The following CATSPERD variants were observed in gnomAD, a reference collection of about 807,000 sequenced individuals.
CATSPERD encodes cation channel sperm-associated auxiliary subunit delta.
A neutral mutation model predicts 98.1 loss-of-function variants in CATSPERD; 86 were observed. That is an observed-to-expected ratio of 0.88 (90% confidence interval 0.74 to 1.05). The LOEUF (loss-of-function observed/expected upper bound fraction) is 1.05. CATSPERD is among the 50% of genes least tolerant of loss of function. The pLI, the probability that CATSPERD is intolerant of heterozygous loss-of-function variation, is 0.00. For missense variants in CATSPERD, 995 were observed against 1,005.7 expected, an observed-to-expected ratio of 0.99 and a Z score of 0.14; for synonymous variants, 394 against 390.2, an observed-to-expected ratio of 1.01 and a Z score of -0.12.
chr19:5,756,936 C>T (rs1366143311), intron 13 of CATSPERD, among the ~76,000 whole-genome samples: 1 of 150,826 alleles, frequency 6.6e-6, no homozygotes, highest in Non-Finnish European at 1.5e-5. Flanking sequence ...GAGCAAGACT[C>T]TGCCTCCAAA....
At position 5,778,605 on chromosome 19, in the gene CATSPERD, G is replaced by C. The variant is rs2056775129; in HGVS notation, c.2326G>C (p.Ala776Pro). The C allele has an allele frequency of 1.2e-6, 2 of 1,613,770 alleles. No homozygotes were observed. The highest frequency in any genetic ancestry group is 1.7e-6 in the Non-Finnish European group (2 of 1,180,028). ...CKTVCQFRAS[A>P]TARAGTEPPG... ...GACGGTCTGCCAGTTCAGGGCCTCA[G>C]CCACAGCCAGGGCAGGCACAGAGCC... The change falls in exon 22 of 22, where the codon GCC (alanine) becomes CCC (proline). Residue 776 changes from alanine (A) to proline (P), a missense_variant. Ala to Pro is a conservative substitution (Grantham distance 27, BLOSUM62 -1). Around this residue, in one of 3 missense-constraint regions of CATSPERD, gnomAD observed 762 missense variants for 773.7 expected, o/e 0.98. Coordinates refer to ENST00000381624, the MANE Select transcript of CATSPERD (RefSeq NM_152784.4).
intron 5 of CATSPERD, among the ~76,000 whole-genome samples, chr19:5,736,463 T>C (rs990525657): frequency 6.6e-6 from 1 of 151,936 alleles, no homozygotes; most frequent in African/African-American, 2.4e-5. Flanking sequence ...ATGCCTGTAA[T>C]CCCAGCACTT....
Position 5,776,245 on chromosome 19 carries a change from G to C in CATSPERD, c.2026G>C (p.Ala676Pro), listed in dbSNP as rs1449073449. The C allele has an allele frequency of 6.2e-7, 1 of 1,614,194 alleles. No individual in the cohort carries two copies. The change falls in exon 21 of 22, where the codon GCA becomes CCA. Residue 676 changes from alanine (A) to proline (P), a missense_variant. Around this residue, in one of 3 missense-constraint regions of CATSPERD, gnomAD observed 762 missense variants for 773.7 expected, o/e 0.98. Coordinates refer to ENST00000381624, the MANE Select transcript of CATSPERD (RefSeq NM_152784.4). ...VQYQILGGRT[A>P]NQIIFGHNGF... ...GTATCAGATCTTGGGCGGCCGGACA[G>C]CAAACCAGATCATTTTCGGCCACAA...
rs1166078688 is a variant in CATSPERD, at chr19:5,754,245, G to A, written c.1278G>A (p.Leu426=). Residue 426 remains leucine (L), a splice_region_variant and synonymous_variant, in exon 13 of 22, where the codon CTG becomes CTA. Coordinates refer to ENST00000381624, the MANE Select transcript of CATSPERD (RefSeq NM_152784.4). Reference sequence around the variant, plus strand: ...AGCCAGGCACATCCCTGATTCCTCTGGTAAGTACATCTTAATGTTTCTGCT... The same window carrying A: ...AGCCAGGCACATCCCTGATTCCTCTAGTAAGTACATCTTAATGTTTCTGCT... The part of the protein sequence containing the change: ...IPQPGTSLIP[L]VMVSNPHSLG... 15 of 1,604,582 alleles carry A rather than the reference G, an allele frequency of 9.3e-6. No individual in the cohort carries two copies. Among genetic ancestry groups the A allele is most frequent in the Non-Finnish European group, 1.1e-5 (13 of 1,171,532 alleles).
intron 21 of CATSPERD, among the ~76,000 whole-genome samples, chr19:5,777,812 T>C (rs1357586027): frequency 6.6e-6 from 1 of 151,166 alleles, no homozygotes; most frequent in African/African-American, 2.4e-5. Flanking sequence ...GAGGCAGAGA[T>C]TGTAGTGGGC....
intron 5 of CATSPERD, among the ~76,000 whole-genome samples, chr19:5,734,702 C>T (rs534424588): frequency 1.3e-5 from 2 of 151,240 alleles, no homozygotes; most frequent in African/African-American, 2.4e-5. Flanking sequence ...CTCTGGAGCC[C>T]GAGGCAGGAG....
At chr19:5,740,398 A>AAG in intron 7 of CATSPERD, among the ~76,000 whole-genome samples, 16 of 151,054 alleles carry the variant, frequency 1.1e-4, no homozygotes, top group African/African-American at 3.9e-4. Context: ...GACCAGCCTG[A>AAG]CCAACATGGA....
chr19:5,721,904 G>T (rs192422791), intron 1 of CATSPERD, among the ~76,000 whole-genome samples: 2 of 151,004 alleles, frequency 1.3e-5, no homozygotes, highest in Non-Finnish European at 2.9e-5. Context: ...CAGAAAAATC[G>T]CTTGAATTCA....
At chr19:5,753,646 G>A (rs2056267563) in intron 12 of CATSPERD, 1 of 366,550 alleles carries the variant, frequency 2.7e-6, no homozygotes. Flanking sequence ...GAGATGGGAG[G>A]ATCACTTGTG....
rs2056227376 is a variant in CATSPERD at position 5,751,834 on chromosome 19, C to G, written c.1164+11C>G. 1 of 1,602,256 alleles carries G rather than the reference C, an allele frequency of 6.2e-7. No homozygotes were observed. The highest frequency in any genetic ancestry group is 1.7e-5 in the Admixed American group (1 of 58,626). On this transcript the variant is annotated intron_variant, in intron 12 of 21. Coordinates refer to ENST00000381624, the MANE Select transcript of CATSPERD (RefSeq NM_152784.4). ...GTTGGAAAGTGCAAGGTATGTGATC[C>G]TAACTGTTTTGATCAATGTTCAATG...
At chr19:5,746,666 C>T (rs887070602) in intron 9 of CATSPERD, among the ~76,000 whole-genome samples, 11 of 152,070 alleles carry the variant, frequency 7.2e-5, no homozygotes, top group South Asian at 4.1e-4. Flanking sequence ...ATCTCCTGAC[C>T]GCGTAATCCA....
At chr19:5,722,279 G>A (rs1379398407) in intron 1 of CATSPERD, among the ~76,000 whole-genome samples, 1 of 152,006 alleles carries the variant, frequency 6.6e-6, no homozygotes, top group Non-Finnish European at 1.5e-5. Context: ...CTGCCACCAC[G>A]TGCAGCTAAT....
chr19:5,775,463 C>T (rs1385811235), intron 20 of CATSPERD, among the ~76,000 whole-genome samples: 2 of 146,764 alleles, frequency 1.4e-5, no homozygotes, highest in East Asian at 2.0e-4. Flanking sequence ...TGGTGAAACC[C>T]CATCTCTACT....
intron 7 of CATSPERD, among the ~76,000 whole-genome samples, chr19:5,741,977 A>G (rs143799543): frequency 0.01 from 1,562 of 151,684 alleles, 21 homozygotes; most frequent in African/African-American, 0.036. Context: ...AGGAGGTTGC[A>G]GTAAGCCCAG....
intron 5 of CATSPERD, among the ~76,000 whole-genome samples, chr19:5,736,118 G>T (rs1420870973): frequency 3.3e-5 from 5 of 151,548 alleles, no homozygotes; most frequent in Non-Finnish European, 4.4e-5. Flanking sequence ...CTCCATTTTG[G>T]CCAGGCTGGT....
intron 11 of CATSPERD, among the ~76,000 whole-genome samples, chr19:5,749,611 G>T (rs2056165215): frequency 6.6e-6 from 1 of 152,018 alleles, no homozygotes; most frequent in Non-Finnish European, 1.5e-5. Context: ...TACTATAGGT[G>T]CTGGTCTAGG....
At chr19:5,771,946 CTTTTT>C (rs758512767) in intron 19 of CATSPERD, 13 of 183,464 alleles carry the variant, frequency 7.1e-5, no homozygotes, top group Admixed American at 2.4e-4. Context: ...TATAGCTTTT[CTTTTT>C]CTTTTCTTTT....
chr19:5,731,870 C>G (rs906423264), intron 4 of CATSPERD, among the ~76,000 whole-genome samples: 1 of 152,132 alleles, frequency 6.6e-6, no homozygotes, highest in Non-Finnish European at 1.5e-5. Flanking sequence ...CCACCGCGCC[C>G]GGCCTACTTA....
Position 5,733,937 on chromosome 19 carries a change from G to A in CATSPERD, c.358G>A (p.Asp120Asn). Residue 120 changes from aspartate (D) to asparagine (N), a missense_variant, in exon 5 of 22, where the codon GAT becomes AAT. Physicochemically the swap from Asp to Asn is conservative, Grantham distance 23. Coordinates refer to ENST00000381624, the MANE Select transcript of CATSPERD (RefSeq NM_152784.4). Reference sequence around the variant, plus strand: ...AGTGGATCAAAAAGTCTATATTTATGATTATGAAAATAATTCTTGGAGCAT... The same window carrying A: ...AGTGGATCAAAAAGTCTATATTTATAATTATGAAAATAATTCTTGGAGCAT... The part of the protein sequence containing the change: ...LVVDQKVYIY[D>N]YENNSWSMSL... 6.2e-7 allele frequency: 1 copy of A among 1,608,502 alleles called. No individual in the cohort carries two copies. The highest frequency in any genetic ancestry group is 8.5e-7 in the Non-Finnish European group (1 of 1,177,610).
Sources: gnomAD v4.1 joint callset for allele counts (sites outside exome capture counted in the v4.1 genomes callset) on GRCh38, gnomAD v4.1.1 for gene constraint, gnomAD v4.1.1 regional missense constraint, MANE v1.5 for transcripts, NCBI Gene and HGNC (gene_info 2026-07-23, HGNC 2026-07-21) for gene names.